The following CTNNA3 variants were observed in gnomAD, a reference collection of about 807,000 sequenced individuals.
CTNNA3 encodes catenin alpha 3.
Under a neutral mutation model 95.7 loss-of-function variants are expected in CTNNA3, and 76 were observed. The ratio of observed to expected loss-of-function variants is 0.79; its 90% CI spans 0.66 to 0.96. The LOEUF is 0.96. Ranked by LOEUF, CTNNA3 falls within the 40% of genes least tolerant of loss-of-function variation. CTNNA3 has a pLI of 0.00. For synonymous variants in CTNNA3, 431 were observed against 374.4 expected, an observed-to-expected ratio of 1.15 and a Z score of -1.74; for missense variants, 1,191 against 1,089.8, an observed-to-expected ratio of 1.09 and a Z score of -1.31.
At chr10:66,815,500 C>T (rs186285388) in intron 7 of CTNNA3, among the ~76,000 whole-genome samples, 88 of 152,206 alleles carry the variant, frequency 5.8e-4, no homozygotes, top group Non-Finnish European at 1.0e-3. Context: ...ACTTATCTTT[C>T]ATATTCTCTT....
intron 9 of CTNNA3, among the ~76,000 whole-genome samples, chr10:66,747,552 G>C (rs572577058): frequency 6.6e-6 from 1 of 152,082 alleles, no homozygotes; most frequent in Non-Finnish European, 1.5e-5. Context: ...ACCTATGCAC[G>C]TCACTTAGCT....
chr10:66,764,563 G>A (rs1839763424), intron 9 of CTNNA3, among the ~76,000 whole-genome samples: 1 of 152,170 alleles, frequency 6.6e-6, no homozygotes, highest in Non-Finnish European at 1.5e-5. Flanking sequence ...AATAGGAAGA[G>A]GAATTCAATT....
chr10:67,686,260 G>A (rs1051289539), intron 1 of CTNNA3, among the ~76,000 whole-genome samples: 2 of 152,184 alleles, frequency 1.3e-5, no homozygotes, highest in Non-Finnish European at 2.9e-5. Flanking sequence ...GCTGGTCCCT[G>A]GGGGAAGAGG....
intron 5 of CTNNA3, among the ~76,000 whole-genome samples, chr10:67,473,703 A>C (rs1199150206): frequency 6.6e-6 from 1 of 152,220 alleles, no homozygotes; most frequent in Non-Finnish European, 1.5e-5. Flanking sequence ...AAAAATAAAA[A>C]ATAACAATAC....
chr10:67,643,681 C>T (rs1839612527), intron 2 of CTNNA3, among the ~76,000 whole-genome samples: 1 of 151,946 alleles, frequency 6.6e-6, no homozygotes, highest in Non-Finnish European at 1.5e-5. Flanking sequence ...CTATCCCTCC[C>T]CTAGCCCCCA....
At chr10:66,102,720 G>C (rs183458465) in intron 14 of CTNNA3, among the ~76,000 whole-genome samples, 1 of 151,168 alleles carries the variant, frequency 6.6e-6, no homozygotes, top group South Asian at 2.1e-4. Context: ...GTGGTGGTGG[G>C]GTGTGTGTGT....
At chr10:66,609,379 G>A (rs991324529) in intron 10 of CTNNA3, among the ~76,000 whole-genome samples, 6 of 146,768 alleles carry the variant, frequency 4.1e-5, no homozygotes, top group African/African-American at 1.5e-4. Flanking sequence ...CTATTATCTA[G>A]TATGTATAAG....
intron 10 of CTNNA3, among the ~76,000 whole-genome samples, chr10:66,550,495 A>G (rs1445872033): frequency 1.3e-5 from 2 of 152,104 alleles, no homozygotes; most frequent in African/African-American, 4.8e-5. Context: ...GTGACCATTC[A>G]TTTACATATT....
intron 3 of CTNNA3, among the ~76,000 whole-genome samples, chr10:67,550,232 T>C (rs1217670657): frequency 6.6e-6 from 1 of 152,196 alleles, no homozygotes; most frequent in African/African-American, 2.4e-5. Context: ...TCTAATAATA[T>C]TAGCATCTCA....
chr10:65,925,320 T>C (rs746896630), intron 17 of CTNNA3, among the ~76,000 whole-genome samples: 1 of 152,194 alleles, frequency 6.6e-6, no homozygotes, highest in Non-Finnish European at 1.5e-5. Flanking sequence ...AAAATGAAAC[T>C]GTCCCCAACT....
At chr10:66,643,296 T>C (rs1033150212) in intron 9 of CTNNA3, among the ~76,000 whole-genome samples, 1 of 152,162 alleles carries the variant, frequency 6.6e-6, no homozygotes, top group Non-Finnish European at 1.5e-5. Flanking sequence ...ATTCAATGTA[T>C]CTTGTACATG....
chr10:66,275,265 G>T (rs1296809465), intron 13 of CTNNA3, among the ~76,000 whole-genome samples: 1 of 152,054 alleles, frequency 6.6e-6, no homozygotes, highest in Non-Finnish European at 1.5e-5. Context: ...CTACAGGCAC[G>T]CACCATCATG....
chr10:66,750,006 A>G (rs1310439627), intron 9 of CTNNA3, among the ~76,000 whole-genome samples: 1 of 152,156 alleles, frequency 6.6e-6, no homozygotes, highest in East Asian at 1.9e-4. Context: ...GGACATACGT[A>G]TATCTTCTTT....
intron 2 of CTNNA3, among the ~76,000 whole-genome samples, chr10:67,646,386 T>C (rs74142870): frequency 1.1e-3 from 164 of 152,032 alleles, no homozygotes; most frequent in African/African-American, 3.7e-3. Flanking sequence ...TCCACAGTCA[T>C]CTAGTATAAA....
intron 15 of CTNNA3, among the ~76,000 whole-genome samples, chr10:66,010,201 C>T (rs1015618337): frequency 1.3e-5 from 2 of 152,282 alleles, no homozygotes; most frequent in South Asian, 2.1e-4. Context: ...CTATCATCTA[C>T]GATGTAGCCT....
At chr10:66,688,543 ACTAT>A (rs1449894913) in intron 9 of CTNNA3, among the ~76,000 whole-genome samples, 1 of 152,196 alleles carries the variant, frequency 6.6e-6, no homozygotes, top group Non-Finnish European at 1.5e-5. Context: ...CTTCTCTGAC[ACTAT>A]CTACAGTAGC....
In CTNNA3 at chr10:66,835,196, C is replaced by T. The variant is rs577385635; in HGVS notation, c.1048-59672G>A. Reference sequence around the variant, plus strand: ...TGCCCTATATGATGTGACCTGTACCCTCCTTAAAGAAAAATTACAGTCAAG... The same window carrying T: ...TGCCCTATATGATGTGACCTGTACCTTCCTTAAAGAAAAATTACAGTCAAG... On this transcript the variant is annotated intron_variant, in intron 7 of 17. Transcript: ENST00000433211. Among the ~76,000 whole-genome samples, 15 of 136,568 alleles carry T rather than the reference C, an allele frequency of 1.1e-4. No homozygotes were observed. In the South Asian group the frequency reaches 3.3e-3, roughly 30 times the overall value. 89.6% of individuals were successfully genotyped at this position (136,568 alleles called of 152,430 possible). A position where few individuals can be genotyped will look rare whatever the true frequency, so the allele number is the denominator to read the frequency against.
At chr10:67,032,162 A>G (rs1018187189) in intron 7 of CTNNA3, among the ~76,000 whole-genome samples, 4 of 152,180 alleles carry the variant, frequency 2.6e-5, no homozygotes, top group Admixed American at 2.6e-4. Context: ...TAGAAAAAAT[A>G]TACAACTTGC....
At chr10:67,720,992 G>A (rs754119494) in intron 1 of CTNNA3, among the ~76,000 whole-genome samples, 1 of 152,128 alleles carries the variant, frequency 6.6e-6, no homozygotes, top group Non-Finnish European at 1.5e-5. Flanking sequence ...CACTCTTCTG[G>A]CTTGAAAGGT....
Sources: allele counts gnomAD v4.1 joint callset (sites outside exome capture counted in the v4.1 genomes callset), GRCh38; gene constraint gnomAD v4.1.1; transcripts MANE v1.5; gene names NCBI Gene and HGNC (gene_info 2026-07-23, HGNC 2026-07-21).